The following SRGAP2 variants were observed in gnomAD, a reference collection of about 807,000 sequenced individuals.
SRGAP2 encodes the protein SLIT-ROBO Rho GTPase activating protein 2, also known as SLIT-ROBO Rho GTPase-activating protein 2.
SRGAP2 carries 15 observed loss-of-function variants against 57.2 expected under a neutral mutation model. The ratio of observed to expected loss-of-function variants is 0.26; its 90% confidence interval spans 0.18 to 0.40. The LOEUF (loss-of-function observed/expected upper bound fraction) is 0.40. Ranked by LOEUF, SRGAP2 falls within the 10% of genes least tolerant of loss-of-function variation. The probability of loss-of-function intolerance (pLI) is 1.00; values close to 1 mark genes in which losing one functional copy is unlikely to be tolerated. For missense variants in SRGAP2, 520 were observed against 669.6 expected, an observed-to-expected ratio of 0.78 and a Z score of 2.47; for synonymous variants, 249 against 248.0, an observed-to-expected ratio of 1.00 and a Z score of -0.04.
intron 2 of SRGAP2, among the ~76,000 whole-genome samples, chr1:206,284,092 C>T (rs1275373156): frequency 2.0e-5 from 3 of 152,086 alleles, no homozygotes; most frequent in African/African-American, 7.2e-5. Context: ...TTGCATTTCA[C>T]ACTCTAGAAT....
intron 11 of SRGAP2, 113 bp downstream of exon 11, chr1:206,416,086 C>T (rs1659679014): frequency 4.8e-6 from 3 of 620,046 alleles, no homozygotes; most frequent in Non-Finnish European, 8.7e-6. Context: ...TGTATGAATG[C>T]CTTTCTTTTC....
At chr1:206,440,292 G>A (rs535824089) in intron 17 of SRGAP2, among the ~76,000 whole-genome samples, 1 of 152,256 alleles carries the variant, frequency 6.6e-6, no homozygotes, top group South Asian at 2.1e-4. Flanking sequence ...GAAGGAAACA[G>A]CCAATAACAG....
chr1:206,326,996 C>A (rs1374884239), intron 3 of SRGAP2, among the ~76,000 whole-genome samples: 44 of 152,138 alleles, frequency 2.9e-4, no homozygotes, highest in African/African-American at 1.0e-3. Flanking sequence ...CCCCTGTACT[C>A]CAACCTGGGC....
At chr1:206,425,354 A>G (rs535494441) in intron 13 of SRGAP2, among the ~76,000 whole-genome samples, 2 of 152,302 alleles carry the variant, frequency 1.3e-5, no homozygotes, top group African/African-American at 4.8e-5. Context: ...GTCATCTCAC[A>G]TATGTATCAT....
intron 3 of SRGAP2, among the ~76,000 whole-genome samples, chr1:206,326,078 AT>A (rs1201813394): frequency 2.0e-5 from 3 of 147,812 alleles, no homozygotes; most frequent in Non-Finnish European, 4.5e-5. Flanking sequence ...CAGACTGGGA[AT>A]CTTCTCGTTA....
intron 10 of SRGAP2, among the ~76,000 whole-genome samples, chr1:206,413,234 G>A (rs781850043): frequency 7.2e-5 from 11 of 152,164 alleles, no homozygotes; most frequent in Non-Finnish European, 1.6e-4. Context: ...TCCTCATTAG[G>A]AAACCTTTAG....
chr1:206,339,005 T>A lies in SRGAP2; in HGVS notation c.261-3841T>A, dbSNP rs1376983443. The stretch of plus-strand genomic sequence containing the variant: ...TTATGAATCAGTTATAGTTTGATAT[T>A]CGTTTCAGCATCTGGTTTTGGTTTA... On this transcript the variant is annotated intron_variant, in intron 3 of 22. Coordinates refer to ENST00000573034, the MANE Select transcript of SRGAP2 (RefSeq NM_015326.5). 4.6e-5 allele frequency among the ~76,000 whole-genome samples: 7 copies of A among 151,714 alleles called. No individual in the cohort carries two copies. The East Asian group carries it at 1.3e-3, about 29-fold the overall frequency.
intron 3 of SRGAP2, among the ~76,000 whole-genome samples, chr1:206,308,005 T>C (rs1203150369): frequency 0.019 from 2,956 of 151,704 alleles, 55 homozygotes; most frequent in Middle Eastern, 0.044. Flanking sequence ...ACTGCCAGCA[T>C]GCTGTCACCT....
intron 2 of SRGAP2, among the ~76,000 whole-genome samples, chr1:206,237,090 T>TAA (rs1180042019): frequency 6.9e-5 from 9 of 131,252 alleles, no homozygotes; most frequent in South Asian, 2.5e-4. Flanking sequence ...CCACCTCTAC[T>TAA]AAAAAAAAAA....
intron 4 of SRGAP2, among the ~76,000 whole-genome samples, chr1:206,374,262 C>G (rs528935389): frequency 7.8e-4 from 118 of 151,474 alleles, no homozygotes; most frequent in Admixed American, 2.2e-3. Flanking sequence ...GTGATCCGCC[C>G]GCTTCGGCCT....
Position 206,454,007 on chromosome 1 carries a change from C to T in SRGAP2, c.2360+627C>T. The stretch of plus-strand genomic sequence containing the variant: ...CTGATAGGCTGTTGGTTGATTCTCA[C>T]ACTTTGAAGCAGTTGTCCCGTGGGC... On this transcript the variant is annotated intron_variant, in intron 20 of 22. Transcript: ENST00000573034. The surrounding 1 kb of genome is among the most constrained non-coding windows in gnomAD (Gnocchi z 4.3). 1.5e-6 allele frequency: 1 copy of T among 650,602 alleles called. No individual in the cohort carries two copies. The allele number at this position is 650,602 out of a possible 1,614,324, so 40.3% of individuals were successfully genotyped here. A position where few individuals can be genotyped will look rare whatever the true frequency, so the allele number is the denominator to read the frequency against.
In SRGAP2 at chr1:206,418,886, CTCTGTGTGTGTG is replaced by C. The variant is rs1364389935; in HGVS notation, c.1442-485_1442-474del. Reference sequence around the variant, plus strand: ...TCTTGTTCTCTCAGCCTCCAACTCTCTCTGTGTGTGTGTGTGTGTGTGTGTGTGTGTGTGTGT... The same window carrying C: ...TCTTGTTCTCTCAGCCTCCAACTCTCTGTGTGTGTGTGTGTGTGTGTGTGT... On this transcript the variant is annotated intron_variant, in intron 11 of 22. Transcript: ENST00000573034. Among the ~76,000 whole-genome samples, 304 of 107,398 alleles carry C rather than the reference CTCTGTGTGTGTG, an allele frequency of 2.8e-3. 1 individual carries two copies. Among genetic ancestry groups the C allele is most frequent in the African/African-American group, 0.014 (294 of 21,264 alleles). The allele number at this position is 107,398 out of a possible 152,430, so 70.5% of individuals were successfully genotyped here.
intron 14 of SRGAP2, among the ~76,000 whole-genome samples, chr1:206,435,262 T>G (rs1661626098): frequency 6.6e-6 from 1 of 152,240 alleles, no homozygotes; most frequent in Non-Finnish European, 1.5e-5. Flanking sequence ...AGAATTCATC[T>G]GCCTCCTCAC....
At chr1:206,455,268 G>A in intron 21 of SRGAP2, 1 of 551,384 alleles carries the variant, frequency 1.8e-6, no homozygotes, top group East Asian at 3.2e-5. Context: ...GCTTTACTGT[G>A]TGTTCCCGCA....
chr1:206,310,375 G>T (rs1192107681), intron 3 of SRGAP2, among the ~76,000 whole-genome samples: 4 of 151,918 alleles, frequency 2.6e-5, no homozygotes, highest in African/African-American at 9.7e-5. Flanking sequence ...ACAGTTTTAT[G>T]TGGGGTAGGT....
At chr1:206,278,430 C>T (rs1670544942) in intron 2 of SRGAP2, among the ~76,000 whole-genome samples, 1 of 140,878 alleles carries the variant, frequency 7.1e-6, no homozygotes. Flanking sequence ...CTCATTGCAG[C>T]CTCCAACTCC....
intron 17 of SRGAP2, among the ~76,000 whole-genome samples, chr1:206,445,396 G>C (rs1253104777): frequency 6.6e-6 from 1 of 152,200 alleles, no homozygotes; most frequent in African/African-American, 2.4e-5. Context: ...GAGGAAGCCC[G>C]AGCAGAAGCC....
At chr1:206,260,909 A>G (rs1669512834) in intron 2 of SRGAP2, among the ~76,000 whole-genome samples, 1 of 152,170 alleles carries the variant, frequency 6.6e-6, no homozygotes, top group Non-Finnish European at 1.5e-5. Context: ...ATTCCCAATT[A>G]CTCGTATTCA....
intron 17 of SRGAP2, among the ~76,000 whole-genome samples, chr1:206,443,245 A>G (rs563847791): frequency 7.2e-5 from 11 of 152,370 alleles, no homozygotes; most frequent in African/African-American, 2.4e-4. Flanking sequence ...GTAGAAATAC[A>G]GTAGAACTCT....
Sources: allele counts gnomAD v4.1 joint callset (sites outside exome capture counted in the v4.1 genomes callset), GRCh38; gene constraint gnomAD v4.1.1; non-coding constraint Gnocchi (gnomAD v3.1); transcripts MANE v1.5; gene names NCBI Gene and HGNC (gene_info 2026-07-23, HGNC 2026-07-21).